OVGP1: variants seen among roughly 807,000 people sequenced by gnomAD.
The protein encoded by OVGP1 is oviduct-specific glycoprotein.
In OVGP1, 26 loss-of-function variants were observed where a neutral mutation model predicts 48.2. That is an observed-to-expected ratio of 0.54 (90% confidence interval 0.40 to 0.75). The LOEUF is 0.75. OVGP1 is among the 30% of genes least tolerant of loss of function. OVGP1 has a pLI of 0.00. For synonymous variants in OVGP1, 294 were observed against 305.7 expected (o/e 0.96, Z 0.40); for missense variants, 791 against 820.6 (o/e 0.96, Z 0.44).
chr1:111,426,810 C>T (rs1264893), intron 2 of OVGP1, 169 bp from the exon 3 acceptor site: 41 of 1,547,026 alleles, frequency 2.7e-5, no homozygotes, highest in Non-Finnish European at 3.6e-5. Context: ...ATTCCTCCCC[C>T]ACTGCTGAGG....
At chr1:111,415,380 C>T (rs1368272437) in intron 10 of OVGP1, 36 bp from the exon 11 acceptor site, 2 of 1,558,242 alleles carry the variant, frequency 1.3e-6, no homozygotes, top group Non-Finnish European at 8.7e-7. Context: ...GAGATTCCTA[C>T]CACTTCATTC....
Position 111,421,340 on chromosome 1 carries a change from C to G in OVGP1, c.839G>C (p.Arg280Thr), listed in dbSNP as rs772415816. ...LKASKNGLQA[R>T]AIGPASPGKY... ...CCCTGGAGATGCTGGTCCGATCGCTCTGGCCTGCAACCCATTCTTAGAGGC... is the reference window on the plus strand; with the variant it reads ...CCCTGGAGATGCTGGTCCGATCGCTGTGGCCTGCAACCCATTCTTAGAGGC... Residue 280 changes from arginine to threonine, a missense_variant, in exon 8 of 11, where the codon AGA becomes ACA. Coordinates refer to ENST00000369732, the MANE Select transcript of OVGP1 (RefSeq NM_002557.4). 2.5e-6 allele frequency: 4 copies of G among 1,614,088 alleles called. No homozygotes were observed. The highest frequency in any genetic ancestry group is 3.4e-6 in the Non-Finnish European group (4 of 1,179,998).
rs1250153179 is a variant in OVGP1 at position 111,414,696 on chromosome 1, C to T, written c.1805G>A (p.Gly602Asp). 1.2e-6 allele frequency: 2 copies of T among 1,613,938 alleles called. No individual in the cohort carries two copies. Among genetic ancestry groups the T allele is most frequent in the Non-Finnish European group, 1.7e-6 (2 of 1,179,832 alleles). The change falls in exon 11 of 11, where the codon GGC (glycine) becomes GAC (aspartate). Residue 602 changes from glycine to aspartate, a missense_variant. Coordinates refer to ENST00000369732, the MANE Select transcript of OVGP1 (RefSeq NM_002557.4). ...LRGENLTSEV[G>D]THPRMGNLGL... ...CAAGTTACCCATCCTGGGGTGAGTG[C>T]CCACCTCAGAAGTCAAATTCTCCCC... is the stretch of plus-strand genomic sequence containing the variant.
chr1:111,424,396 G>A (rs899364221), intron 4 of OVGP1, among the ~76,000 whole-genome samples: 1 of 152,180 alleles, frequency 6.6e-6, no homozygotes, highest in Non-Finnish European at 1.5e-5. Context: ...ATCCTGAGAT[G>A]AGCCATGATT....
chr1:111,425,199 CT>C (rs941031475), intron 4 of OVGP1, among the ~76,000 whole-genome samples, 183 bp downstream of exon 4: 1 of 152,220 alleles, frequency 6.6e-6, no homozygotes, highest in African/African-American at 2.4e-5. Context: ...CTTGTCTCCC[CT>C]GACCCACCAT....
At chr1:111,418,828 C>G (rs184176017) in intron 9 of OVGP1, among the ~76,000 whole-genome samples, 1 of 152,126 alleles carries the variant, frequency 6.6e-6, no homozygotes, top group Admixed American at 6.5e-5. Flanking sequence ...AGGAGTGGAA[C>G]CATGATTTCT....
chr1:111,415,254 GC>G lies in OVGP1; in HGVS notation c.1246del (p.Ala416HisfsTer27), dbSNP rs1439284647. ...CAAAATCTTACTATCAGTGGTCCAT[GC>G]CGTGGTCACAGCCAGCCTTTCAGGG... ...TDPERLAVTT[A>X]WTTDSKILPP... On this transcript the variant is annotated frameshift_variant, in exon 11 of 11. Transcript: ENST00000369732. LOFTEE classifies it low-confidence loss of function (END_TRUNC). The G allele has an allele frequency of 6.2e-7, 1 of 1,614,188 alleles. No individual in the cohort carries two copies. Among genetic ancestry groups the G allele is most frequent in the South Asian group, 1.1e-5 (1 of 91,088 alleles).
chr1:111,420,173 C>A (rs1436069294), intron 8 of OVGP1, among the ~76,000 whole-genome samples: 1 of 152,188 alleles, frequency 6.6e-6, no homozygotes, highest in African/African-American at 2.4e-5. Context: ...ATTTAAAGTT[C>A]TTGAAGGCAG....
chr1:111,414,879 C>CTCACAGACTGATGACTCACAGGGG lies in OVGP1; in HGVS notation c.1598_1621dup (p.Thr533_Val540dup). ...AGGGGTCATAGTCGTTCCTCCAGGGCTCACAGACTGATGACTCACAGGGGT... is the reference window on the plus strand; with the variant it reads ...AGGGGTCATAGTCGTTCCTCCAGGGCTCACAGACTGATGACTCACAGGGGTCACAGACTGATGACTCACAGGGGT... On this transcript the variant is annotated inframe_insertion, in exon 11 of 11. Coordinates refer to ENST00000369732, the MANE Select transcript of OVGP1 (RefSeq NM_002557.4). The CTCACAGACTGATGACTCACAGGGG allele has an allele frequency of 6.3e-7, 1 of 1,586,572 alleles. No individual in the cohort carries two copies.
intron 9 of OVGP1, chr1:111,416,702 T>C (rs1652146482): frequency 2.6e-6 from 1 of 381,868 alleles, no homozygotes; most frequent in African/African-American, 2.1e-5. Context: ...ATGTCCAACA[T>C]GTTTAGACCC....
chr1:111,426,818 A>G, intron 2 of OVGP1, 177 bp from the exon 3 acceptor site: 2 of 1,547,212 alleles, frequency 1.3e-6, no homozygotes, highest in Non-Finnish European at 1.7e-6. Flanking sequence ...CCCACTGCTG[A>G]GGTCTCAGGA....
chr1:111,425,569 G>T (rs756573846), intron 3 of OVGP1, 130 bp from the exon 4 acceptor site: 58 of 1,500,920 alleles, frequency 3.9e-5, no homozygotes, highest in Non-Finnish European at 5.0e-5. Flanking sequence ...GAAAGGAAAA[G>T]GGGGAAGGTG....
In OVGP1 at chr1:111,414,978, G is replaced by T; in HGVS notation, c.1523C>A (p.Thr508Asn). 1 of 1,580,646 alleles carries T rather than the reference G, an allele frequency of 6.3e-7. No homozygotes were observed. The highest frequency in any genetic ancestry group is 8.6e-7 in the Non-Finnish European group (1 of 1,157,658). Reference protein sequence around the residue: ...GHQSVTTGQKTLTSVGYQSVT... With the variant: ...GHQSVTTGQKNLTSVGYQSVT... ...AGACTGATAACCCACAGAGGTCAGG[G>T]TCTTCTGTCCAGTGGTCACAGATTG... The change falls in exon 11 of 11, where the codon ACC becomes AAC. Residue 508 changes from threonine (T) to asparagine (N), a missense_variant. Coordinates refer to ENST00000369732, the MANE Select transcript of OVGP1 (RefSeq NM_002557.4).
intron 2 of OVGP1, 148 bp downstream of exon 2, chr1:111,426,914 G>A: frequency 1.3e-6 from 2 of 1,550,696 alleles, no homozygotes; most frequent in Non-Finnish European, 1.7e-6. Flanking sequence ...AACAGCAGGT[G>A]ACCAAAAATC....
In OVGP1 at chr1:111,421,405, C is replaced by T; in HGVS notation, c.774G>A (p.Met258Ile). The T allele has an allele frequency of 6.2e-7, 1 of 1,613,794 alleles. No homozygotes were observed. Among genetic ancestry groups the T allele is most frequent in the Non-Finnish European group, 8.5e-7 (1 of 1,179,884 alleles). ...KLGAPSEKLI[M>I]GIPTYGRTFR... ...AGGTACGTCCATAGGTGGGGATCCCCATGATGAGCTTCTCTGAGGGTGCCC... is the reference window on the plus strand; with the variant it reads ...AGGTACGTCCATAGGTGGGGATCCCTATGATGAGCTTCTCTGAGGGTGCCC... The change falls in exon 8 of 11, where the codon ATG (methionine) becomes ATA (isoleucine). Residue 258 changes from methionine to isoleucine, a missense_variant. Coordinates refer to ENST00000369732, the MANE Select transcript of OVGP1 (RefSeq NM_002557.4).
chr1:111,414,376 C>A lies in OVGP1; in HGVS notation c.*88G>T. The A allele has an allele frequency of 8.3e-7, 1 of 1,206,236 alleles. No individual in the cohort carries two copies. Among genetic ancestry groups the A allele is most frequent in the Non-Finnish European group, 1.2e-6 (1 of 864,436 alleles). 74.7% of individuals were successfully genotyped at this position (1,206,236 alleles called of 1,614,324 possible). On this transcript the variant is annotated 3_prime_UTR_variant, in exon 11 of 11. Coordinates refer to ENST00000369732, the MANE Select transcript of OVGP1 (RefSeq NM_002557.4). ...AGATTGGCCTATTCTGGTTTTGATG[C>A]CTGCTTTGCCCCGGGATGAGAAGGC...
chr1:111,422,339 T>A (rs1415608695), intron 6 of OVGP1, among the ~76,000 whole-genome samples: 2 of 152,200 alleles, frequency 1.3e-5, no homozygotes, highest in Non-Finnish European at 2.9e-5. Flanking sequence ...CACAGGAACA[T>A]CCCATTTCTG....
chr1:111,423,546 A>T lies in OVGP1; in HGVS notation c.480T>A (p.Ile160=). The part of the protein sequence containing the change: ...MHDRWTFLFL[I]EELLFAFRKE... ...GGCGCTTCTAGACCAGACTTACTTC[A>T]ATTAAGAAGAGAAAAGTCCACCGGT... The change falls in exon 5 of 11, where the codon ATT becomes ATA. Residue 160 remains isoleucine, a synonymous_variant. Transcript: ENST00000369732. 2.5e-6 allele frequency: 4 copies of T among 1,613,768 alleles called. No homozygotes were observed. The highest frequency in any genetic ancestry group is 2.5e-6 in the Non-Finnish European group (3 of 1,179,892).
In OVGP1 at chr1:111,423,568, C is replaced by T. The variant is rs200839038; in HGVS notation, c.458G>A (p.Arg153Gln). The change falls in exon 5 of 11, where the codon CGG becomes CAG. Residue 153 changes from arginine (R) to glutamine (Q), a missense_variant. Transcript: ENST00000369732. Reference protein sequence around the residue: ...PGLRGSPMHDRWTFLFLIEEL... With the variant: ...PGLRGSPMHDQWTFLFLIEEL... Reference sequence around the variant, plus strand: ...TTCAATTAAGAAGAGAAAAGTCCACCGGTCATGCATGGGGCTGCCTCTTAG... The same window carrying T: ...TTCAATTAAGAAGAGAAAAGTCCACTGGTCATGCATGGGGCTGCCTCTTAG... 1.5e-5 allele frequency: 24 copies of T among 1,613,894 alleles called. No homozygotes were observed. Among genetic ancestry groups the T allele is most frequent in the South Asian group, 1.1e-4 (10 of 91,064 alleles).
Sources: allele counts gnomAD v4.1 joint callset (sites outside exome capture counted in the v4.1 genomes callset), GRCh38; gene constraint gnomAD v4.1.1; transcripts MANE v1.5; gene names NCBI Gene and HGNC (gene_info 2026-07-23, HGNC 2026-07-21).